Variants in TRHDE observed in about 807,000 individuals in gnomAD.
TRHDE encodes the protein thyrotropin releasing hormone degrading enzyme.
Under a neutral mutation model 125.7 loss-of-function variants are expected in TRHDE, and 72 were observed. The ratio of observed to expected loss-of-function variants is 0.57; its 90% CI spans 0.47 to 0.70. The LOEUF is 0.70. TRHDE is among the 30% of genes least tolerant of loss of function. The pLI, the probability that TRHDE is intolerant of heterozygous loss-of-function variation, is 0.00. For synonymous variants in TRHDE, 509 were observed against 509.1 expected (o/e 1.00, Z 0.00); for missense variants, 1,110 against 1,327.1 (o/e 0.84, Z 2.54).
chr12:72,295,299 C>G (rs544530794), intron 2 of TRHDE, among the ~76,000 whole-genome samples: 1 of 152,072 alleles, frequency 6.6e-6, no homozygotes, highest in Admixed American at 6.5e-5. Context: ...GTCCCTGGCT[C>G]TCGCGGGCTC....
At chr12:72,569,864 A>G (rs925353874) in intron 10 of TRHDE, among the ~76,000 whole-genome samples, 1 of 152,154 alleles carries the variant, frequency 6.6e-6, no homozygotes, top group Non-Finnish European at 1.5e-5. Context: ...ATTAGTATTT[A>G]TATTGTGATT....
intron 2 of TRHDE, among the ~76,000 whole-genome samples, chr12:72,338,999 T>A (rs1385557166): frequency 6.6e-6 from 1 of 152,190 alleles, no homozygotes; most frequent in Non-Finnish European, 1.5e-5. Context: ...AGTAGAAGAA[T>A]ATTTCTTAAG....
At chr12:72,396,730 G>A (rs1043201669) in intron 3 of TRHDE, among the ~76,000 whole-genome samples, 6 of 151,842 alleles carry the variant, frequency 4.0e-5, no homozygotes, top group Admixed American at 6.6e-5. Flanking sequence ...GCAGCAGAGC[G>A]AGACTCCATC....
chr12:72,324,681 G>A (rs2135713682), intron 2 of TRHDE, among the ~76,000 whole-genome samples: 1 of 152,206 alleles, frequency 6.6e-6, no homozygotes, highest in South Asian at 2.1e-4. Flanking sequence ...GTCAGGAAAT[G>A]GGGCGGAATG....
chr12:72,611,567 A>G (rs541262548), intron 12 of TRHDE, among the ~76,000 whole-genome samples: 1 of 152,250 alleles, frequency 6.6e-6, no homozygotes, highest in East Asian at 1.9e-4. Flanking sequence ...TCTTCTAACC[A>G]AGCTCCTTCA....
chr12:72,564,575 CCAAGGCTGTATAAGCATATGTAA>C (rs1383970326), intron 9 of TRHDE, among the ~76,000 whole-genome samples: 1 of 150,552 alleles, frequency 6.6e-6, no homozygotes, highest in East Asian at 1.9e-4. Context: ...AAGAATTTCT[CCAAGGCTGTATAAGCATATGTAA>C]CATCTAGACA....
intron 12 of TRHDE, among the ~76,000 whole-genome samples, chr12:72,581,933 T>A (rs1009052543): frequency 2.0e-5 from 3 of 151,570 alleles, no homozygotes; most frequent in Non-Finnish European, 4.4e-5. Context: ...AAACCCCATC[T>A]CTACTAAAAA....
chr12:72,324,695 C>G (rs1207475857), intron 2 of TRHDE, among the ~76,000 whole-genome samples: 1 of 152,106 alleles, frequency 6.6e-6, no homozygotes, highest in Non-Finnish European at 1.5e-5. Context: ...CGGAATGTCA[C>G]TGCATAAACG....
intron 3 of TRHDE, among the ~76,000 whole-genome samples, chr12:72,429,282 G>A (rs1319627799): frequency 6.6e-6 from 1 of 151,144 alleles, no homozygotes; most frequent in African/African-American, 2.4e-5. Flanking sequence ...ACCATGACAT[G>A]TGTATACCTA....
intron 6 of TRHDE, among the ~76,000 whole-genome samples, chr12:72,501,192 A>G (rs1878140419): frequency 1.3e-5 from 2 of 152,164 alleles, no homozygotes; most frequent in East Asian, 1.9e-4. Context: ...CTTGCTGTAC[A>G]TAGAATGCAA....
At chr12:72,424,149 G>A (rs1009266780) in intron 3 of TRHDE, among the ~76,000 whole-genome samples, 3 of 152,092 alleles carry the variant, frequency 2.0e-5, no homozygotes, top group Non-Finnish European at 4.4e-5. Flanking sequence ...GTCAATAGGG[G>A]CATCCATGCT....
At chr12:72,106,597 T>A (rs1054618403) in intron 2 of TRHDE, among the ~76,000 whole-genome samples, 4 of 152,150 alleles carry the variant, frequency 2.6e-5, no homozygotes, top group African/African-American at 9.7e-5. Context: ...TTTGTAATAT[T>A]GATCCCTCAG....
chr12:72,259,485 C>T (rs1322802427), intron 2 of TRHDE, among the ~76,000 whole-genome samples: 1 of 152,170 alleles, frequency 6.6e-6, no homozygotes, highest in Admixed American at 6.5e-5. Context: ...ATTTAGAAAT[C>T]AAGACTGGGC....
At chr12:72,551,431 G>A in intron 7 of TRHDE, among the ~76,000 whole-genome samples, 1 of 151,980 alleles carries the variant, frequency 6.6e-6, no homozygotes, top group Non-Finnish European at 1.5e-5. Flanking sequence ...TTATTTTACT[G>A]ATCATTTTCT....
At chr12:72,532,556 G>C (rs1868611358) in intron 6 of TRHDE, among the ~76,000 whole-genome samples, 1 of 150,786 alleles carries the variant, frequency 6.6e-6, no homozygotes, top group Admixed American at 6.6e-5. Flanking sequence ...ATTGTTAATG[G>C]TCCCCTTCTT....
intron 2 of TRHDE, chr12:72,147,529 C>A (rs602134): frequency 6.6e-6 from 1 of 152,148 alleles, no homozygotes; most frequent in Non-Finnish European, 1.5e-5. Flanking sequence ...TTTTAAAAAT[C>A]TGCATCTTTT....
chr12:72,520,759 T>A (rs1592508924), intron 6 of TRHDE, among the ~76,000 whole-genome samples: 1 of 152,202 alleles, frequency 6.6e-6, no homozygotes, highest in Admixed American at 6.5e-5. Context: ...GAAATGGAGC[T>A]CTGGGTTCGA....
At chr12:72,567,773 A>T (rs1870519267) in intron 9 of TRHDE, among the ~76,000 whole-genome samples, 1 of 152,116 alleles carries the variant, frequency 6.6e-6, no homozygotes, top group South Asian at 2.1e-4. Context: ...AAACAAATAT[A>T]GTCATTGGAC....
At position 72,667,322 on chromosome 12, in the gene TRHDE, A is replaced by G. The variant is rs1875144933; in HGVS notation, c.*4127A>G. The G allele has an allele frequency of 6.6e-6, 1 of 151,816 alleles. No individual in the cohort carries two copies. The highest frequency in any genetic ancestry group is 2.4e-5 in the African/African-American group (1 of 41,418). The allele number at this position is 151,816 out of a possible 1,614,324, so 9.4% of individuals were successfully genotyped here. A position where few individuals can be genotyped will look rare whatever the true frequency, so the allele number is the denominator to read the frequency against. On this transcript the variant is annotated 3_prime_UTR_variant, in exon 19 of 19. Transcript: ENST00000261180. ...ATGAAAAATAATTAAGATTTCTTACACCTGATTTTTTCATTATCAGAGATA... is the reference window on the plus strand; with the variant it reads ...ATGAAAAATAATTAAGATTTCTTACGCCTGATTTTTTCATTATCAGAGATA...
Sources: allele counts gnomAD v4.1 joint callset (sites outside exome capture counted in the v4.1 genomes callset), GRCh38; gene constraint gnomAD v4.1.1; transcripts MANE v1.5; gene names NCBI Gene and HGNC (gene_info 2026-07-23, HGNC 2026-07-21).